LRP5: variants seen among roughly 807,000 people sequenced by gnomAD.
The protein encoded by LRP5 is low-density lipoprotein receptor-related protein 5.
In LRP5, 62 loss-of-function variants were observed where a neutral mutation model predicts 154.1. The observed-to-expected ratio is 0.40, with a 90% confidence interval of 0.33 to 0.50. LRP5 has a LOEUF of 0.50. Ranked by LOEUF, LRP5 falls within the 20% of genes least tolerant of loss-of-function variation. The pLI, the probability that LRP5 is intolerant of heterozygous loss-of-function variation, is 0.55. For synonymous variants in LRP5, 966 were observed against 1,011.5 expected, an observed-to-expected ratio of 0.96 and a Z score of 0.85; for missense variants, 1,915 against 2,336.7, an observed-to-expected ratio of 0.82 and a Z score of 3.72.
chr11:68,441,130 G>A (rs1457952677), intron 21 of LRP5, among the ~76,000 whole-genome samples: 6 of 151,848 alleles, frequency 4.0e-5, no homozygotes, highest in Admixed American at 3.3e-4. Flanking sequence ...CCAGGCTGGA[G>A]TGCAATGGTG....
chr11:68,417,875 C>T (rs1351962940), intron 13 of LRP5, among the ~76,000 whole-genome samples: 1 of 151,410 alleles, frequency 6.6e-6, no homozygotes, highest in Non-Finnish European at 1.5e-5. Context: ...GCAGAGGTTG[C>T]GGTGAGCCGA....
chr11:68,404,130 C>G, intron 8 of LRP5: 1 of 424,960 alleles, frequency 2.4e-6, no homozygotes, highest in Non-Finnish European at 4.5e-6. Context: ...CTGTGGCCCA[C>G]GCATGTGCAC....
chr11:68,391,888 C>T (rs554684611), intron 7 of LRP5, among the ~76,000 whole-genome samples: 1 of 152,324 alleles, frequency 6.6e-6, no homozygotes, highest in East Asian at 1.9e-4. Context: ...CTCACCCAGG[C>T]GAGAGTGCAG....
chr11:68,339,498 C>T (rs2098607643), intron 1 of LRP5, among the ~76,000 whole-genome samples: 1 of 152,026 alleles, frequency 6.6e-6, no homozygotes, highest in Non-Finnish European at 1.5e-5. Flanking sequence ...CAGGCGCCCT[C>T]CACCATGCCC....
At chr11:68,337,458 G>C (rs960658098) in intron 1 of LRP5, among the ~76,000 whole-genome samples, 2 of 152,148 alleles carry the variant, frequency 1.3e-5, no homozygotes, top group African/African-American at 4.8e-5. Flanking sequence ...GTGCGTAATT[G>C]CCTCTGGGGA....
intron 8 of LRP5, chr11:68,404,205 T>A (rs1455767805): frequency 2.1e-6 from 1 of 469,650 alleles, no homozygotes; most frequent in Non-Finnish European, 4.2e-6. Flanking sequence ...GCACAATGAT[T>A]TGTCTCTTCC....
chr11:68,350,941 C>A (rs2098617887), intron 2 of LRP5, among the ~76,000 whole-genome samples: 1 of 151,872 alleles, frequency 6.6e-6, no homozygotes. Context: ...TACGTGTGAG[C>A]CTGTGTGTGT....
the LRP5 span, among the ~76,000 whole-genome samples, chr11:68,305,241 C>T: frequency 6.6e-6 from 1 of 151,798 alleles, no homozygotes; most frequent in Non-Finnish European, 1.5e-5. Context: ...TAAAAGTGTG[C>T]ACACCTCCCT....
chr11:68,319,844 A>G (rs2098595707), intron 1 of LRP5, among the ~76,000 whole-genome samples: 1 of 152,066 alleles, frequency 6.6e-6, no homozygotes, highest in Non-Finnish European at 1.5e-5. Context: ...CTAGTCAAAG[A>G]GTGTGTCCAT....
In LRP5 at chr11:68,446,540, C is replaced by T. The variant is rs2098681516; in HGVS notation, c.4586+7C>T. 3 of 1,609,904 alleles carry T rather than the reference C, an allele frequency of 1.9e-6. No homozygotes were observed. Among genetic ancestry groups the T allele is most frequent in the Non-Finnish European group, 2.6e-6 (3 of 1,176,378 alleles). ...CCACTGCGAGACCGTACAGGTAGGA[C>T]ATCCCCTGCAGCCCTCCATGGCCAT... On this transcript the variant is annotated splice_region_variant and intron_variant, in intron 22 of 22. Coordinates refer to ENST00000294304, the MANE Select transcript of LRP5 (RefSeq NM_002335.4).
chr11:68,445,489 C>A, intron 21 of LRP5: 2 of 650,790 alleles, frequency 3.1e-6, no homozygotes, highest in Non-Finnish European at 4.8e-6. Flanking sequence ...GCGTGAAAGG[C>A]AGTGTTCTTG....
intron 2 of LRP5, 51 bp downstream of exon 2, chr11:68,348,294 A>ATC (rs751745706): frequency 3.8e-6 from 6 of 1,596,648 alleles, no homozygotes; most frequent in Admixed American, 3.3e-5. Context: ...GAGTGTCACC[A>ATC]TCTCTCTCTC....
At chr11:68,304,762 G>C in the LRP5 span, among the ~76,000 whole-genome samples, 2 of 152,240 alleles carry the variant, frequency 1.3e-5, no homozygotes, top group Non-Finnish European at 2.9e-5. Context: ...CTTTAAGATT[G>C]AATGATTGCT....
chr11:68,329,382 G>T (rs1208795008), intron 1 of LRP5, among the ~76,000 whole-genome samples: 1 of 152,202 alleles, frequency 6.6e-6, no homozygotes, highest in Admixed American at 6.5e-5. Flanking sequence ...AAGAAACTGA[G>T]GCTGGGAGAG....
chr11:68,299,774 G>T, the LRP5 span, among the ~76,000 whole-genome samples: 4 of 131,794 alleles, frequency 3.0e-5, no homozygotes, highest in Admixed American at 1.5e-4. Flanking sequence ...GTGGAGATGG[G>T]GTTTCACCAT....
chr11:68,439,764 C>A lies in LRP5; in HGVS notation c.4349-13C>A. On this transcript the variant is annotated splice_polypyrimidine_tract_variant and intron_variant, in intron 20 of 22. Transcript: ENST00000294304. ...TGGAAGCCACCTGACCTCCCCCGTCCCTTCCCTGCCAGGCATCGCATGCGG... is the reference window on the plus strand; with the variant it reads ...TGGAAGCCACCTGACCTCCCCCGTCACTTCCCTGCCAGGCATCGCATGCGG... 2 of 1,608,522 alleles carry A rather than the reference C, an allele frequency of 1.2e-6. No individual in the cohort carries two copies. The highest frequency in any genetic ancestry group is 4.5e-5 in the East Asian group (2 of 44,732).
chr11:68,433,570 G>T (rs757790791), intron 17 of LRP5, 32 bp from the exon 18 acceptor site: 1 of 1,576,316 alleles, frequency 6.3e-7, no homozygotes, highest in Non-Finnish European at 8.7e-7. Context: ...GGGCGGGGCT[G>T]CGTGTGATGT....
intron 8 of LRP5, among the ~76,000 whole-genome samples, chr11:68,405,469 C>CAAAAAAAA (rs772035158): frequency 1.8e-5 from 1 of 55,860 alleles, no homozygotes; most frequent in Non-Finnish European, 3.6e-5. Context: ...GACCCTGTCT[C>CAAAAAAAA]AAAAAAAAAA....
the LRP5 span, among the ~76,000 whole-genome samples, chr11:68,306,056 C>A: frequency 6.6e-6 from 1 of 152,206 alleles, no homozygotes; most frequent in Admixed American, 6.5e-5. Flanking sequence ...TGGCTTGTGG[C>A]TGCATGGCTC....
Sources: allele counts gnomAD v4.1 joint callset (sites outside exome capture counted in the v4.1 genomes callset), GRCh38; gene constraint gnomAD v4.1.1; transcripts MANE v1.5; gene names NCBI Gene and HGNC (gene_info 2026-07-23, HGNC 2026-07-21).